SUMF1: variants seen among roughly 807,000 people sequenced by gnomAD.
SUMF1 encodes the protein formylglycine-generating enzyme.
In SUMF1, 48 loss-of-function variants were observed where a neutral mutation model predicts 47.6. That is an observed-to-expected ratio of 1.01 (90% CI 0.80 to 1.28). The LOEUF (loss-of-function observed/expected upper bound fraction) is 1.28. Ranked by LOEUF, SUMF1 falls within the 50% of genes most tolerant of loss-of-function variation. The pLI is 0.00. For synonymous variants in SUMF1, 230 were observed against 192.1 expected (o/e 1.20, Z -1.63); for missense variants, 571 against 485.4 (o/e 1.18, Z -1.66).
At chr3:4,195,399 A>C (rs76641028) in intron 8 of SUMF1, among the ~76,000 whole-genome samples, 8,104 of 152,176 alleles carry the variant, frequency 0.053, 313 homozygotes, top group Non-Finnish European at 0.079. Flanking sequence ...GAACTTATTC[A>C]CAAACTGATG....
intron 9 of SUMF1, among the ~76,000 whole-genome samples, chr3:4,054,449 T>G (rs759991659): frequency 6.6e-6 from 1 of 152,198 alleles, no homozygotes; most frequent in South Asian, 2.1e-4. Flanking sequence ...TGTCAAATTA[T>G]CTTTCTTTTA....
chr3:4,236,867 C>A (rs920326551), intron 8 of SUMF1, among the ~76,000 whole-genome samples: 32 of 152,196 alleles, frequency 2.1e-4, no homozygotes, highest in Non-Finnish European at 1.5e-4. Context: ...ATGGTTTAAG[C>A]GTTCCAAAAA....
At chr3:4,411,845 AAAT>A (rs1701553929) in intron 6 of SUMF1, among the ~76,000 whole-genome samples, 1 of 152,216 alleles carries the variant, frequency 6.6e-6, no homozygotes, top group African/African-American at 2.4e-5. Flanking sequence ...AAAATGAAAA[AAAT>A]ATATATGTAT....
At chr3:4,463,088 T>A (rs549966841) in intron 1 of SUMF1, among the ~76,000 whole-genome samples, 2 of 152,342 alleles carry the variant, frequency 1.3e-5, no homozygotes, top group Admixed American at 6.5e-5. Context: ...ACACAGGTCA[T>A]TCAAGAAATT....
At chr3:4,157,932 A>AGTCTCTGG (rs150389768) in intron 8 of SUMF1, among the ~76,000 whole-genome samples, 2,938 of 151,624 alleles carry the variant, frequency 0.019, 201 homozygotes, top group African/African-American at 0.068. Context: ...TTGTATTTTC[A>AGTCTCTGG]GTCTCTGGGT....
intron 8 of SUMF1, among the ~76,000 whole-genome samples, chr3:4,322,273 T>C (rs1575097058): frequency 1.3e-5 from 2 of 152,120 alleles, no homozygotes; most frequent in African/African-American, 4.8e-5. Context: ...TGGTTCTTAA[T>C]TGTAACAAAT....
intron 8 of SUMF1, among the ~76,000 whole-genome samples, chr3:4,153,884 G>C (rs1398083104): frequency 6.6e-6 from 1 of 151,516 alleles, no homozygotes; most frequent in Non-Finnish European, 1.5e-5. Flanking sequence ...GGGAGGTCAA[G>C]TTCCATCTTT....
intron 7 of SUMF1, among the ~76,000 whole-genome samples, chr3:4,404,880 G>C (rs1426200222): frequency 6.6e-6 from 1 of 152,188 alleles, no homozygotes; most frequent in Non-Finnish European, 1.5e-5. Context: ...CTCAATGAAT[G>C]CTTGCTTGAA....
Position 4,317,545 on chromosome 3 carries a change from A to AG in SUMF1, c.1014+58784_1014+58785insC, listed in dbSNP as rs554483781. 242 of 200,732 alleles carry AG rather than the reference A, an allele frequency of 1.2e-3. 2 individuals carry two copies. Among genetic ancestry groups the AG allele is most frequent in the South Asian group, 2.6e-3 (20 of 7,550 alleles). 12.4% of individuals were successfully genotyped at this position (200,732 alleles called of 1,614,324 possible). On this transcript the variant is annotated intron_variant and NMD_transcript_variant, in intron 8 of 12. Coordinates refer to the SUMF1 transcript ENST00000448413. ...TAAAATAATTTTTTAAAAAAAGATTAAAACATGTACCTTGAAAAGCATTTT... is the reference window on the plus strand; with the variant it reads ...TAAAATAATTTTTTAAAAAAAGATTAGAAACATGTACCTTGAAAAGCATTTT...
chr3:4,414,387 T>TAGGC (rs1701640122), intron 6 of SUMF1, among the ~76,000 whole-genome samples: 1 of 152,204 alleles, frequency 6.6e-6, no homozygotes, highest in Non-Finnish European at 1.5e-5. Context: ...GTCAGGGAGC[T>TAGGC]ATTTCCCTGT....
chr3:4,294,707 A>G (rs930070044), intron 8 of SUMF1, among the ~76,000 whole-genome samples: 1 of 152,192 alleles, frequency 6.6e-6, no homozygotes, highest in Non-Finnish European at 1.5e-5. Flanking sequence ...AAAGAAAGCA[A>G]TATGTAAAAC....
intron 8 of SUMF1, among the ~76,000 whole-genome samples, chr3:4,134,504 C>A (rs1206047417): frequency 6.6e-6 from 1 of 151,978 alleles, no homozygotes; most frequent in Non-Finnish European, 1.5e-5. Flanking sequence ...TAAATGCCCA[C>A]AAGAGAAAGC....
chr3:4,161,805 G>C (rs1694583275), intron 8 of SUMF1, among the ~76,000 whole-genome samples: 1 of 152,062 alleles, frequency 6.6e-6, no homozygotes, highest in African/African-American at 2.4e-5. Context: ...CACTGTGGCT[G>C]AGCTGGCACC....
chr3:4,329,555 T>A (rs1699009373), intron 8 of SUMF1, among the ~76,000 whole-genome samples: 1 of 152,150 alleles, frequency 6.6e-6, no homozygotes, highest in Admixed American at 6.5e-5. Flanking sequence ...GGGCACCAAG[T>A]CTCTAGGCTG....
At chr3:4,380,777 T>G (rs182982501) in intron 7 of SUMF1, among the ~76,000 whole-genome samples, 129 of 152,276 alleles carry the variant, frequency 8.5e-4, no homozygotes, top group African/African-American at 2.7e-3. Flanking sequence ...CACAGGTTTC[T>G]ACATAACAGT....
chr3:4,383,047 T>C (rs1223176803), intron 7 of SUMF1, among the ~76,000 whole-genome samples: 1 of 147,954 alleles, frequency 6.8e-6, no homozygotes, highest in Non-Finnish European at 1.5e-5. Context: ...TCTGCACGTG[T>C]ACCCCAGAAC....
chr3:4,259,021 C>A (rs1202217432), intron 8 of SUMF1, among the ~76,000 whole-genome samples: 2 of 149,394 alleles, frequency 1.3e-5, no homozygotes, highest in African/African-American at 2.5e-5. Flanking sequence ...GAACAAAAAA[C>A]CAAACACCGC....
intron 8 of SUMF1, chr3:4,317,061 T>G: frequency 6.5e-7 from 1 of 1,549,318 alleles, no homozygotes; most frequent in Non-Finnish European, 8.7e-7. Flanking sequence ...GCCAACCAAC[T>G]ACCACGTCTT....
intron 8 of SUMF1, among the ~76,000 whole-genome samples, chr3:4,337,482 T>G (rs1699179082): frequency 6.6e-6 from 1 of 152,036 alleles, no homozygotes; most frequent in Non-Finnish European, 1.5e-5. Context: ...CAGACATATT[T>G]AATGCTCCCG....
Sources: gnomAD v4.1 joint callset for allele counts (sites outside exome capture counted in the v4.1 genomes callset) on GRCh38, gnomAD v4.1.1 for gene constraint, MANE v1.5 for transcripts, NCBI Gene and HGNC (gene_info 2026-07-23, HGNC 2026-07-21) for gene names.